Variants in MYO1B observed in about 807,000 individuals in gnomAD.
MYO1B encodes the protein unconventional myosin-Ib.
Under a neutral mutation model 159.7 loss-of-function variants are expected in MYO1B, and 72 were observed. That is an observed-to-expected ratio of 0.45 (90% CI 0.37 to 0.55). The LOEUF (loss-of-function observed/expected upper bound fraction) is 0.55, where lower values mean the gene tolerates loss of function less well. Among genes scored for constraint, MYO1B ranks in the 20% least tolerant of loss-of-function variants. The pLI is 0.00. For missense variants in MYO1B, 1,062 were observed against 1,364.8 expected, an observed-to-expected ratio of 0.78 and a Z score of 3.50; for synonymous variants, 468 against 473.8, an observed-to-expected ratio of 0.99 and a Z score of 0.16.
chr2:191,353,441 C>T (rs1470520132), intron 7 of MYO1B, among the ~76,000 whole-genome samples: 1 of 152,118 alleles, frequency 6.6e-6, no homozygotes, highest in Non-Finnish European at 1.5e-5. Context: ...AGAAGAATAG[C>T]ACAGAGAAAT....
At chr2:191,385,524 G>T (rs12151678) in intron 15 of MYO1B, among the ~76,000 whole-genome samples, 124,298 of 151,974 alleles carry the variant, frequency 0.82, 54,582 homozygotes, top group Non-Finnish European at 0.98. Context: ...ATTCATTTCT[G>T]CTTTTAGATT....
chr2:191,272,572 A>T (rs1026433481), intron 1 of MYO1B, among the ~76,000 whole-genome samples: 3 of 152,172 alleles, frequency 2.0e-5, no homozygotes, highest in Non-Finnish European at 4.4e-5. Context: ...TTACATCTCT[A>T]TGTCTCCCAC....
chr2:191,402,335 C>CAG (rs914282691), intron 23 of MYO1B: 2 of 382,712 alleles, frequency 5.2e-6, no homozygotes, highest in Non-Finnish European at 9.7e-6. Flanking sequence ...AGGCAGCGAA[C>CAG]AGAGAGAGAG....
intron 3 of MYO1B, among the ~76,000 whole-genome samples, chr2:191,298,477 G>C (rs938263883): frequency 6.6e-6 from 1 of 152,116 alleles, no homozygotes; most frequent in African/African-American, 2.4e-5. Context: ...TCCCCCAGGG[G>C]CTTATGAAAA....
intron 1 of MYO1B, among the ~76,000 whole-genome samples, chr2:191,276,535 AGGGCTGAGGGAAAGTAG>A (rs1222425601): frequency 6.6e-6 from 1 of 152,174 alleles, no homozygotes; most frequent in Non-Finnish European, 1.5e-5. Flanking sequence ...TTGGTACACA[AGGGCTGAGGGAAAGTAG>A]GGGTGGGTTA....
chr2:191,391,080 T>A (rs1333974343), intron 18 of MYO1B, among the ~76,000 whole-genome samples: 1 of 152,208 alleles, frequency 6.6e-6, no homozygotes, highest in Non-Finnish European at 1.5e-5. Flanking sequence ...CAGTGGTGCA[T>A]CCCCATGTCC....
At chr2:191,336,113 T>A (rs1691816194) in intron 4 of MYO1B, among the ~76,000 whole-genome samples, 1 of 152,168 alleles carries the variant, frequency 6.6e-6, no homozygotes, top group African/African-American at 2.4e-5. Context: ...TCCAAGGACA[T>A]CAGAGTAAAT....
chr2:191,302,857 A>G (rs1184438464), intron 3 of MYO1B, among the ~76,000 whole-genome samples: 3 of 152,210 alleles, frequency 2.0e-5, no homozygotes, highest in Non-Finnish European at 2.9e-5. Context: ...TGGGTAAGCA[A>G]TTAGTGGGAG....
intron 13 of MYO1B, among the ~76,000 whole-genome samples, chr2:191,378,632 C>T (rs1469695097): frequency 4.6e-5 from 7 of 152,108 alleles, no homozygotes; most frequent in Admixed American, 3.9e-4. Context: ...ACTGGGGATA[C>T]GATGGCTTAG....
intron 13 of MYO1B, among the ~76,000 whole-genome samples, chr2:191,373,502 A>G (rs913387551): frequency 6.6e-6 from 1 of 152,210 alleles, no homozygotes; most frequent in Non-Finnish European, 1.5e-5. Context: ...TCATCTGGGC[A>G]TGGTGGCTCA....
intron 13 of MYO1B, among the ~76,000 whole-genome samples, chr2:191,379,090 T>C (rs1694892587): frequency 6.6e-6 from 1 of 152,230 alleles, no homozygotes; most frequent in Non-Finnish European, 1.5e-5. Flanking sequence ...TCCTGTCTTT[T>C]GAATTGACTG....
intron 4 of MYO1B, among the ~76,000 whole-genome samples, chr2:191,331,993 G>A (rs550828283): frequency 6.6e-6 from 1 of 152,140 alleles, no homozygotes; most frequent in African/African-American, 2.4e-5. Context: ...ACAGAGTCTC[G>A]CTCTTATAGC....
intron 3 of MYO1B, among the ~76,000 whole-genome samples, chr2:191,307,007 G>A (rs576173825): frequency 6.6e-6 from 1 of 152,310 alleles, no homozygotes; most frequent in South Asian, 2.1e-4. Context: ...TGGATCTTGT[G>A]CAAGAAATAA....
chr2:191,326,770 A>ATGTG (rs35184577), intron 3 of MYO1B, among the ~76,000 whole-genome samples: 22,359 of 136,584 alleles, frequency 0.16, 2,095 homozygotes, highest in Non-Finnish European at 0.22. Flanking sequence ...GTTTGTATAT[A>ATGTG]TGTGTGTGTG....
intron 30 of MYO1B, among the ~76,000 whole-genome samples, chr2:191,418,769 G>A (rs576092631): frequency 5.9e-5 from 9 of 152,258 alleles, no homozygotes; most frequent in African/African-American, 1.2e-4. Flanking sequence ...GATTACAGGC[G>A]TGAGCCACCG....
chr2:191,340,888 G>T (rs1184269188), intron 4 of MYO1B, among the ~76,000 whole-genome samples: 2 of 151,968 alleles, frequency 1.3e-5, no homozygotes. Context: ...ACCATGCCCG[G>T]CTTATTTTTG....
chr2:191,361,592 G>A (rs912618971), intron 8 of MYO1B, among the ~76,000 whole-genome samples: 4 of 150,284 alleles, frequency 2.7e-5, no homozygotes, highest in Non-Finnish European at 5.9e-5. Flanking sequence ...TATATATGTA[G>A]ATATATAATA....
intron 7 of MYO1B, among the ~76,000 whole-genome samples, chr2:191,358,018 G>A (rs1224774942): frequency 6.6e-6 from 1 of 152,202 alleles, no homozygotes; most frequent in Non-Finnish European, 1.5e-5. Flanking sequence ...TGTAATGAAA[G>A]ATTCCTTATC....
intron 3 of MYO1B, among the ~76,000 whole-genome samples, chr2:191,323,062 T>C (rs1225728425): frequency 3.3e-5 from 5 of 152,186 alleles, no homozygotes; most frequent in Non-Finnish European, 7.4e-5. Context: ...TTTTAGGCCA[T>C]GTAGGGTAAC....
Sources: allele counts gnomAD v4.1 joint callset (sites outside exome capture counted in the v4.1 genomes callset), GRCh38; gene constraint gnomAD v4.1.1; transcripts MANE v1.5; gene names NCBI Gene and HGNC (gene_info 2026-07-23, HGNC 2026-07-21).